The following MYOM2 variants were observed in gnomAD, a reference collection of about 807,000 sequenced individuals.
MYOM2 encodes myomesin 2, also known as myomesin-2.
MYOM2 carries 254 observed loss-of-function variants against 187.6 expected under a neutral mutation model. The observed-to-expected ratio is 1.35, with a 90% CI of 1.22 to 1.50. The LOEUF is 1.50. Ranked by LOEUF, MYOM2 falls within the 40% of genes most tolerant of loss-of-function variation. The probability of loss-of-function intolerance (pLI) is 0.00; values close to 1 mark genes in which losing one functional copy is unlikely to be tolerated. For missense variants in MYOM2, 2,796 were observed against 1,924.0 expected, an observed-to-expected ratio of 1.45 and a Z score of -8.48; for synonymous variants, 981 against 753.8, an observed-to-expected ratio of 1.30 and a Z score of -4.94.
At chr8:2,135,050 A>T (rs1798020636) in intron 32 of MYOM2, among the ~76,000 whole-genome samples, 1 of 152,076 alleles carries the variant, frequency 6.6e-6, no homozygotes, top group Non-Finnish European at 1.5e-5. Flanking sequence ...ATCTGATTGG[A>T]TCCCAGCCCA....
Position 2,092,355 on chromosome 8 carries a change from C to G in MYOM2, c.1838C>G (p.Ser613Cys). The G allele has an allele frequency of 6.2e-7, 1 of 1,614,026 alleles. No homozygotes were observed. Among genetic ancestry groups the G allele is most frequent in the Non-Finnish European group, 8.5e-7 (1 of 1,179,958 alleles). The change falls in exon 16 of 37, where the codon TCT (serine) becomes TGT (cysteine). Residue 613 changes from serine to cysteine, a missense_variant. Coordinates refer to ENST00000262113, the MANE Select transcript of MYOM2 (RefSeq NM_003970.4). ...TGTCTCCTACGAAAAGTTGTCCCTT[C>G]TGCTCCGGGTCGGGTTCTTGCTTCC... ...IQAQDVTVVP[S>C]APGRVLASRN...
At chr8:2,106,217 C>G (rs1407174475) in intron 21 of MYOM2, 25 bp from the exon 22 acceptor site, 1 of 1,611,074 alleles carries the variant, frequency 6.2e-7, no homozygotes. Context: ...CCCTAAGCCG[C>G]TCACTTCATA....
At chr8:2,113,567 G>A (rs1318574691) in intron 25 of MYOM2, among the ~76,000 whole-genome samples, 1 of 152,144 alleles carries the variant, frequency 6.6e-6, no homozygotes, top group African/African-American at 2.4e-5. Flanking sequence ...GGTGACAGTT[G>A]CAGCCAGGGA....
At chr8:2,130,389 GCCCACAC>G in intron 32 of MYOM2, among the ~76,000 whole-genome samples, 2 of 122,362 alleles carry the variant, frequency 1.6e-5, no homozygotes, top group African/African-American at 8.2e-5. Context: ...TACCCAGGGT[GCCCACAC>G]CCCGCCTTTA....
At chr8:2,066,700 A>G (rs963540090) in intron 6 of MYOM2, among the ~76,000 whole-genome samples, 1 of 152,114 alleles carries the variant, frequency 6.6e-6, no homozygotes, top group African/African-American at 2.4e-5. Flanking sequence ...CCCTGTGGGG[A>G]TGCGTATGTG....
At chr8:2,120,689 A>AATATCTATTTATAATAT (rs1554432194) in intron 28 of MYOM2, among the ~76,000 whole-genome samples, 4 of 42,384 alleles carry the variant, frequency 9.4e-5, no homozygotes, top group African/African-American at 3.0e-4. Context: ...ATTATATATA[A>AATATCTATTTATAATAT]ATATATAATA....
At chr8:2,126,638 T>C (rs1008735658) in intron 31 of MYOM2, among the ~76,000 whole-genome samples, 2 of 150,768 alleles carry the variant, frequency 1.3e-5, no homozygotes, top group Admixed American at 6.6e-5. Flanking sequence ...GGGAGGCTGA[T>C]ACAGGCTGGG....
chr8:2,064,378 C>A (rs1036134164), intron 6 of MYOM2, among the ~76,000 whole-genome samples: 29 of 152,196 alleles, frequency 1.9e-4, no homozygotes, highest in Admixed American at 1.8e-3. Context: ...CCTAACTTAC[C>A]CGTGCCCACC....
intron 6 of MYOM2, among the ~76,000 whole-genome samples, chr8:2,063,229 G>A (rs192239083): frequency 1.2e-4 from 19 of 152,316 alleles, no homozygotes; most frequent in Admixed American, 9.8e-4. Flanking sequence ...CTGCTGAGCC[G>A]CCGGTCATCC....
In MYOM2 at chr8:2,145,347, G is replaced by A. The variant is rs890337635; in HGVS notation, c.*366G>A. ...GAAGCCACCGTGCTTCTCTTTGGGG[G>A]GCCGCGAGATCTAGCATCTCTGAAA... On this transcript the variant is annotated 3_prime_UTR_variant, in exon 37 of 37. Transcript: ENST00000262113. The A allele has an allele frequency of 6.2e-6, 2 of 321,870 alleles. No individual in the cohort carries two copies. The highest frequency in any genetic ancestry group is 1.3e-4 in the East Asian group (2 of 15,872). The allele number at this position is 321,870 out of a possible 1,614,324, so 19.9% of individuals were successfully genotyped here. A position where few individuals can be genotyped will look rare whatever the true frequency, so the allele number is the denominator to read the frequency against.
chr8:2,138,430 A>C (rs1798157703), intron 32 of MYOM2, among the ~76,000 whole-genome samples: 1 of 152,188 alleles, frequency 6.6e-6, no homozygotes, highest in African/African-American at 2.4e-5. Context: ...AACGTATAGA[A>C]TTCCAGATGC....
intron 3 of MYOM2, among the ~76,000 whole-genome samples, chr8:2,056,015 C>T (rs964391835): frequency 6.6e-6 from 1 of 152,180 alleles, no homozygotes; most frequent in African/African-American, 2.4e-5. Flanking sequence ...CACTCGGGAA[C>T]GAACCTCCCC....
In MYOM2 at chr8:2,101,535, G is replaced by A. The variant is rs541166658; in HGVS notation, c.2619+481G>A. Among the ~76,000 whole-genome samples the A allele has an allele frequency of 1.9e-4, 29 of 152,306 alleles. No homozygotes were observed. In the East Asian group the frequency reaches 1.9e-3, roughly 10 times the overall value. On this transcript the variant is annotated intron_variant, in intron 20 of 36. Transcript: ENST00000262113. ...GCTGCTGAGGATGCAGCCGCCATGC[G>A]CGTTGTGGGGCCCAGCAGATGACAG...
chr8:2,092,774 CCT>C lies in MYOM2; in HGVS notation c.2003+255_2003+256del, dbSNP rs1439199052. Among the ~76,000 whole-genome samples, 19 of 152,124 alleles carry C rather than the reference CCT, an allele frequency of 1.2e-4. 1 individual carries two copies. The East Asian group carries it at 3.5e-3, about 28-fold the overall frequency. On this transcript the variant is annotated intron_variant, in intron 16 of 36. Transcript: ENST00000262113. ...AGTTCCAGAACCTGTTTTTTTTTCC[CCT>C]GACATAATTAGCACTTAGGCCTTTT...
intron 28 of MYOM2, among the ~76,000 whole-genome samples, chr8:2,120,696 A>ATTTATAATATATATATT (rs1491564842): frequency 1.2e-5 from 1 of 84,008 alleles, no homozygotes; most frequent in Non-Finnish European, 2.3e-5. Flanking sequence ...ATAAATATAT[A>ATTTATAATATATATATT]ATATATATAT....
rs1213275303 is a variant in MYOM2, at chr8:2,086,315, C to T, written c.1644+925C>T. ...TGATCTCCGCGTGGCCCCCCACAGT[C>T]GTGATCTCTGCGTGGCCCCCCACTG... On this transcript the variant is annotated intron_variant, in intron 14 of 36. Transcript: ENST00000262113. Among the ~76,000 whole-genome samples, 40 of 98,474 alleles carry T rather than the reference C, an allele frequency of 4.1e-4. 6 individuals are homozygous for T. Among genetic ancestry groups the T allele is most frequent in the Middle Eastern group, 0.011 (2 of 190 alleles). The allele number at this position is 98,474 out of a possible 152,430, so 64.6% of individuals were successfully genotyped here.
chr8:2,094,889 G>A (rs984525856), intron 17 of MYOM2, among the ~76,000 whole-genome samples: 11 of 152,146 alleles, frequency 7.2e-5, no homozygotes, highest in Non-Finnish European at 1.5e-4. Context: ...CCCTAGAACA[G>A]TTGCTGTATC....
At chr8:2,116,326 A>G (rs1362152099) in intron 27 of MYOM2, 51 bp downstream of exon 27, 2 of 1,539,890 alleles carry the variant, frequency 1.3e-6, no homozygotes, top group Non-Finnish European at 1.8e-6. Flanking sequence ...TAAAGCAAAG[A>G]TGATTGGAGT....
chr8:2,085,572 ACTGTTGTGATCTCTG>A (rs1819828761), intron 14 of MYOM2, among the ~76,000 whole-genome samples, 182 bp downstream of exon 14: 1 of 15,908 alleles, frequency 6.3e-5, no homozygotes, highest in Non-Finnish European at 9.3e-5. Context: ...GCGTGGCCCC[ACTGTTGTGATCTCTG>A]CGTGGCCCCA....
Sources: allele counts gnomAD v4.1 joint callset (sites outside exome capture counted in the v4.1 genomes callset), GRCh38; gene constraint gnomAD v4.1.1; transcripts MANE v1.5; gene names NCBI Gene and HGNC (gene_info 2026-07-23, HGNC 2026-07-21).